Variants in UNC5A observed in about 807,000 individuals in gnomAD.
UNC5A encodes the protein unc-5 netrin receptor A, also known as netrin receptor UNC5A.
In UNC5A, 20 loss-of-function variants were observed where a neutral mutation model predicts 87.4. The observed-to-expected ratio is 0.23, with a 90% CI of 0.16 to 0.33. UNC5A has a LOEUF of 0.33. Ranked by LOEUF, UNC5A falls within the 10% of genes least tolerant of loss-of-function variation. The pLI, the probability that UNC5A is intolerant of heterozygous loss-of-function variation, is 1.00. For synonymous variants in UNC5A, 438 were observed against 482.3 expected (o/e 0.91, Z 1.20); for missense variants, 844 against 1,133.4 (o/e 0.74, Z 3.67).
intron 1 of UNC5A, among the ~76,000 whole-genome samples, chr5:176,828,049 C>T (rs1284779658): frequency 6.6e-6 from 1 of 152,082 alleles, no homozygotes; most frequent in Non-Finnish European, 1.5e-5. Context: ...CCCTGTTTCC[C>T]TCTGCAAGCC....
chr5:176,825,932 G>A (rs929073323), intron 1 of UNC5A, among the ~76,000 whole-genome samples: 11 of 152,238 alleles, frequency 7.2e-5, no homozygotes, highest in African/African-American at 2.7e-4. Flanking sequence ...TGAGGGAGCT[G>A]GAAGCAGGGG....
chr5:176,875,307 TG>T lies in UNC5A; in HGVS notation c.1378+743del, dbSNP rs1191282101. Among the ~76,000 whole-genome samples, 4 of 152,108 alleles carry T rather than the reference TG, an allele frequency of 2.6e-5. 1 individual carries two copies. ...CAGCTGCCTCCTGGCCAGCTCCATC[TG>T]GATGTCTCACATCACCTCAGACTCC... On this transcript the variant is annotated intron_variant, in intron 8 of 14. Transcript: ENST00000329542. This position sits in a 1 kb window ranked among gnomAD's most constrained non-coding sequence, Gnocchi z 5.2.
rs538172781 is a variant in UNC5A, at chr5:176,865,055, G to C, written c.292+2210G>C. Reference sequence around the variant, plus strand: ...GGTGAGGAGACCTCCCCTCCATCCTGCCCCTTGCAGATTGGTCGGGGGAAG... The same window carrying C: ...GGTGAGGAGACCTCCCCTCCATCCTCCCCCTTGCAGATTGGTCGGGGGAAG... On this transcript the variant is annotated intron_variant, in intron 2 of 14. Transcript: ENST00000329542. This position sits in a 1 kb window ranked among gnomAD's most constrained non-coding sequence, Gnocchi z 5.3. The C allele has an allele frequency of 2.5e-4, 86 of 340,806 alleles. 2 individuals are homozygous for C. The East Asian group carries it at 7.0e-3, about 28-fold the overall frequency. 21.1% of individuals were successfully genotyped at this position (340,806 alleles called of 1,614,324 possible).
chr5:176,811,380 C>T (rs1756450000), intron 1 of UNC5A, among the ~76,000 whole-genome samples: 1 of 152,262 alleles, frequency 6.6e-6, no homozygotes, highest in African/African-American at 2.4e-5. Flanking sequence ...GAGGCGCATA[C>T]ACCAGCCCCC....
Position 176,838,570 on chromosome 5 carries a change from C to T in UNC5A, c.71-24054C>T, listed in dbSNP as rs1757197127. Among the ~76,000 whole-genome samples the T allele has an allele frequency of 6.6e-6, 1 of 152,280 alleles. No individual in the cohort carries two copies. Among genetic ancestry groups the T allele is most frequent in the African/African-American group, 2.4e-5 (1 of 41,478 alleles). On this transcript the variant is annotated intron_variant, in intron 1 of 14. Coordinates refer to ENST00000329542, the MANE Select transcript of UNC5A (RefSeq NM_133369.3). The surrounding 1 kb of genome is among the most constrained non-coding windows in gnomAD (Gnocchi z 4.2). ...AGGTACAGCTGACTTCAGGCAAAGC[C>T]TGATGCGCTGGCTCAGACAACAGCA...
rs866038243 is a variant in UNC5A at position 176,879,606 on chromosome 5, G to C, written c.2364-115G>C. 1.4e-5 allele frequency: 21 copies of C among 1,544,414 alleles called. No homozygotes were observed. The Middle Eastern group carries it at 1.0e-3, about 76-fold the overall frequency. On this transcript the variant is annotated intron_variant, in intron 14 of 14. Coordinates refer to ENST00000329542, the MANE Select transcript of UNC5A (RefSeq NM_133369.3). ...GCCTGTGCCGCATCTACTAGTGGCC[G>C]GGGCAGTCATTGTGTTTGGCTTCGG...
At chr5:176,876,491 T>C (rs1473452787) in intron 8 of UNC5A, among the ~76,000 whole-genome samples, 1 of 152,232 alleles carries the variant, frequency 6.6e-6, no homozygotes, top group Non-Finnish European at 1.5e-5. Flanking sequence ...AGGGACTCCC[T>C]GGCCCCCGTC....
intron 1 of UNC5A, among the ~76,000 whole-genome samples, chr5:176,845,965 AAGGGAC>A (rs1479709459): frequency 6.6e-6 from 1 of 152,176 alleles, no homozygotes; most frequent in Admixed American, 6.5e-5. Flanking sequence ...TGGTGAGTGA[AAGGGAC>A]AGTGGCCTGT....
At chr5:176,861,387 GGT>G (rs1757834324) in intron 1 of UNC5A, among the ~76,000 whole-genome samples, 1 of 152,180 alleles carries the variant, frequency 6.6e-6, no homozygotes, top group Admixed American at 6.5e-5. Context: ...CTGAACCCTC[GGT>G]CCGAGCCTGC....
chr5:176,857,652 C>T lies in UNC5A; in HGVS notation c.71-4972C>T, dbSNP rs998804222. 1.2e-3 allele frequency among the ~76,000 whole-genome samples: 183 copies of T among 152,198 alleles called. 2 individuals are homozygous for T. The highest frequency in any genetic ancestry group is 3.1e-4 in the Non-Finnish European group (21 of 68,032). ...GAGCAGGGGCACCAGCTCCAGCTGA[C>T]GTGGGCAGCCAGTTCTCTCCTGAGA... On this transcript the variant is annotated intron_variant, in intron 1 of 14. Transcript: ENST00000329542.
intron 6 of UNC5A, 104 bp from the exon 7 acceptor site, chr5:176,873,864 T>TGCCCCGGGGTGCAGAC (rs1402907855): frequency 2.8e-5 from 35 of 1,232,920 alleles, no homozygotes; most frequent in Non-Finnish European, 3.4e-5. Context: ...CTAGTGCAGA[T>TGCCCCGGGGTGCAGAC]GCCCCGGGGT....
At chr5:176,825,391 G>A (rs116053214) in intron 1 of UNC5A, among the ~76,000 whole-genome samples, 3,168 of 152,280 alleles carry the variant, frequency 0.021, 59 homozygotes, top group African/African-American at 0.05. Context: ...AGGACCCGCC[G>A]ATGAGGCCTG....
At chr5:176,814,377 G>T (rs535277405) in intron 1 of UNC5A, among the ~76,000 whole-genome samples, 2 of 152,282 alleles carry the variant, frequency 1.3e-5, no homozygotes, top group African/African-American at 2.4e-5. Context: ...TGCTGGTGGG[G>T]TGGGCACCCC....
intron 1 of UNC5A, among the ~76,000 whole-genome samples, chr5:176,834,718 T>TCTCTCCCTC (rs1757110133): frequency 6.6e-6 from 1 of 151,528 alleles, no homozygotes; most frequent in Non-Finnish European, 1.5e-5. Flanking sequence ...TCTCTGTCTC[T>TCTCTCCCTC]CTCTCCCTCC....
intron 1 of UNC5A, among the ~76,000 whole-genome samples, chr5:176,847,056 C>A (rs1424121615): frequency 6.6e-6 from 1 of 151,970 alleles, no homozygotes; most frequent in Non-Finnish European, 1.5e-5. Flanking sequence ...CCCTCCCATC[C>A]CCCTCTCATT....
rs774956013 is a variant in UNC5A at position 176,810,856 on chromosome 5, G to A, written c.70+36G>A. On this transcript the variant is annotated intron_variant, in intron 1 of 14. Coordinates refer to ENST00000329542, the MANE Select transcript of UNC5A (RefSeq NM_133369.3). This position sits in a 1 kb window ranked among gnomAD's most constrained non-coding sequence, Gnocchi z 7.3. ...CCGCGCGCGCTCTGGGGAGGCTTGC[G>A]GGGGACCGTGCGCGCGAACGCTCGC... The A allele has an allele frequency of 5.9e-5, 72 of 1,218,338 alleles. No homozygotes were observed. In the Middle Eastern group the frequency reaches 8.2e-4, roughly 14 times the overall value. 75.5% of individuals were successfully genotyped at this position (1,218,338 alleles called of 1,614,324 possible).
rs910552515 is a variant in UNC5A at position 176,833,994 on chromosome 5, G to A, written c.70+23174G>A. 5.9e-5 allele frequency among the ~76,000 whole-genome samples: 9 copies of A among 151,760 alleles called. 1 individual carries two copies. The highest frequency in any genetic ancestry group is 2.0e-4 in the East Asian group (1 of 5,116). On this transcript the variant is annotated intron_variant, in intron 1 of 14. Transcript: ENST00000329542. Reference sequence around the variant, plus strand: ...GCTGGGATTACAGGTGTGAGCCACCGCACCCGGCCCAGTCACACAGCCTCT... The same window carrying A: ...GCTGGGATTACAGGTGTGAGCCACCACACCCGGCCCAGTCACACAGCCTCT...
chr5:176,812,385 G>A (rs971371172), intron 1 of UNC5A, among the ~76,000 whole-genome samples: 31 of 152,204 alleles, frequency 2.0e-4, no homozygotes, highest in Non-Finnish European at 1.5e-5. Context: ...TGTCGCCCAC[G>A]TGAGCACGTG....
intron 1 of UNC5A, among the ~76,000 whole-genome samples, chr5:176,820,751 A>G (rs922895389): frequency 6.6e-5 from 10 of 152,200 alleles, no homozygotes; most frequent in Admixed American, 6.5e-4. Context: ...TGGCACCTCC[A>G]GTGGATGTTT....
Sources: allele counts gnomAD v4.1 joint callset (sites outside exome capture counted in the v4.1 genomes callset), GRCh38; gene constraint gnomAD v4.1.1; non-coding constraint Gnocchi (gnomAD v3.1); transcripts MANE v1.5; gene names NCBI Gene and HGNC (gene_info 2026-07-23, HGNC 2026-07-21).